Variants in LRIG2 observed in about 807,000 individuals in gnomAD.
The protein encoded by LRIG2 is leucine rich repeats and immunoglobulin like domains 2.
A neutral mutation model predicts 107.8 loss-of-function variants in LRIG2; 93 were observed. The ratio of observed to expected loss-of-function variants is 0.86; its 90% CI spans 0.73 to 1.03. The LOEUF (loss-of-function observed/expected upper bound fraction) is 1.03. Ranked by LOEUF, LRIG2 falls within the 50% of genes least tolerant of loss-of-function variation. LRIG2 has a pLI of 0.00. For synonymous variants in LRIG2, 471 were observed against 470.6 expected (o/e 1.00, Z -0.01); for missense variants, 1,226 against 1,296.0 (o/e 0.95, Z 0.83).
intron 1 of LRIG2, among the ~76,000 whole-genome samples, chr1:113,088,198 C>T (rs1470491387): frequency 1.3e-5 from 2 of 152,114 alleles, no homozygotes; most frequent in Non-Finnish European, 2.9e-5. Flanking sequence ...TTATATGGGG[C>T]TCTGACCTAT....
chr1:113,127,056 T>C lies in LRIG2; in HGVS notation c.*2955T>C, dbSNP rs902800256. On this transcript the variant is annotated 3_prime_UTR_variant, in exon 18 of 18. Coordinates refer to ENST00000361127, the MANE Select transcript of LRIG2 (RefSeq NM_014813.3). ...TTCTAGTTGTGTTCACTTTGTGCTT[T>C]CTCTGAATGGGAATATCTTCTTTCA... 1.3e-5 allele frequency: 2 copies of C among 152,224 alleles called. No individual in the cohort carries two copies. The highest frequency in any genetic ancestry group is 4.8e-5 in the African/African-American group (2 of 41,452). 9.4% of individuals were successfully genotyped at this position (152,224 alleles called of 1,614,324 possible).
At chr1:113,074,698 A>G (rs543384320) in intron 1 of LRIG2, among the ~76,000 whole-genome samples, 114 of 146,784 alleles carry the variant, frequency 7.8e-4, no homozygotes, top group Admixed American at 1.3e-3. Flanking sequence ...CACGAGGTCA[A>G]GAGATCGAGA....
At chr1:113,109,970 T>C (rs1203694511) in intron 12 of LRIG2, among the ~76,000 whole-genome samples, 1 of 152,182 alleles carries the variant, frequency 6.6e-6, no homozygotes, top group Non-Finnish European at 1.5e-5. Flanking sequence ...TAAGGGCTAG[T>C]AGAAAAGTGC....
At chr1:113,112,791 T>C (rs1257762820) in intron 14 of LRIG2, 31 bp downstream of exon 14, 2 of 1,560,370 alleles carry the variant, frequency 1.3e-6, no homozygotes, top group South Asian at 2.4e-5. Flanking sequence ...GTCCCTGCTT[T>C]TGTTGGAGTC....
At chr1:113,113,294 A>C (rs1654850579) in intron 14 of LRIG2, among the ~76,000 whole-genome samples, 1 of 149,658 alleles carries the variant, frequency 6.7e-6, no homozygotes, top group South Asian at 2.1e-4. Context: ...TATTTCTGGT[A>C]AAATGCCTTT....
intron 12 of LRIG2, 157 bp downstream of exon 12, chr1:113,107,914 C>T: frequency 4.7e-6 from 3 of 644,658 alleles, no homozygotes; most frequent in South Asian, 2.1e-5. Context: ...TGAATGAAGG[C>T]TTTTCTCTTT....
intron 16 of LRIG2, 94 bp downstream of exon 16, chr1:113,116,530 TTAAAG>T: frequency 4.1e-6 from 5 of 1,229,278 alleles, no homozygotes; most frequent in Non-Finnish European, 5.7e-6. Flanking sequence ...AAGCAATATT[TTAAAG>T]TAAGATACCT....
At chr1:113,091,194 G>A (rs1041418802) in intron 1 of LRIG2, 124 bp from the exon 2 acceptor site, 27 of 543,028 alleles carry the variant, frequency 5.0e-5, no homozygotes, top group Non-Finnish European at 9.7e-6. Flanking sequence ...CAAGTGCCAG[G>A]ATTACAGGCA....
At chr1:113,097,853 GC>G (rs1654133677) in intron 8 of LRIG2, among the ~76,000 whole-genome samples, 1 of 152,132 alleles carries the variant, frequency 6.6e-6, no homozygotes, top group East Asian at 1.9e-4. Flanking sequence ...GAAGAGTTGA[GC>G]CATTGGTTCT....
At chr1:113,094,891 T>A in intron 6 of LRIG2, 136 bp downstream of exon 6, 1 of 759,230 alleles carries the variant, frequency 1.3e-6, no homozygotes, top group Non-Finnish European at 2.0e-6. Context: ...GAAGTAAGCG[T>A]ACATAAAACC....
intron 1 of LRIG2, among the ~76,000 whole-genome samples, chr1:113,082,330 T>C (rs1653324899): frequency 6.6e-6 from 1 of 152,210 alleles, no homozygotes; most frequent in African/African-American, 2.4e-5. Context: ...TCTGATCTAA[T>C]ACAGATCTGA....
chr1:113,093,238 C>T lies in LRIG2; in HGVS notation c.338C>T (p.Pro113Leu), dbSNP rs757114182. Residue 113 changes from proline to leucine, a missense_variant, in exon 3 of 18, where the codon CCG becomes CTG. Pro to Leu is a moderately conservative substitution (Grantham distance 98). This residue lies in a region of LRIG2 where 570 missense variants were observed against 550.2 expected (regional missense o/e 1.04). Transcript: ENST00000361127. ...KMNYNELTEI[P>L]YFGEPTSNIT... is the part of the protein sequence containing the mutation. ...AATTACAATGAACTAACAGAAATCC[C>T]GTATTTTGGAGAACCTACATCTAAT... 1.3e-5 allele frequency: 21 copies of T among 1,598,514 alleles called. No homozygotes were observed. The highest frequency in any genetic ancestry group is 4.0e-5 in the African/African-American group (3 of 74,446).
Position 113,091,372 on chromosome 1 carries a change from AT to A in LRIG2, c.296del (p.Leu99TyrfsTer4). 1 of 1,593,874 alleles carries A rather than the reference AT, an allele frequency of 6.3e-7. No homozygotes were observed. Among genetic ancestry groups the A allele is most frequent in the South Asian group, 1.1e-5 (1 of 88,554 alleles). On this transcript the variant is annotated frameshift_variant, in exon 2 of 18. Coordinates refer to ENST00000361127, the MANE Select transcript of LRIG2 (RefSeq NM_014813.3). LOFTEE classifies it high-confidence loss of function. ...GGAACATCAGCTTGGAATCACAAAC[AT>A]TACAGGAAGTGTAAGTTATTTTTAT... ...NWNISLESQTLQEVKMNYNEL... is the reference protein window; with the variant it reads ...NWNISLESQTXQEVKMNYNEL...
intron 9 of LRIG2, among the ~76,000 whole-genome samples, 168 bp downstream of exon 9, chr1:113,098,953 C>T (rs1654185382): frequency 6.6e-6 from 1 of 152,088 alleles, no homozygotes; most frequent in Non-Finnish European, 1.5e-5. Context: ...TTTTTTGAGA[C>T]TGAGTCTCAC....
At chr1:113,084,357 A>G (rs1027603925) in intron 1 of LRIG2, among the ~76,000 whole-genome samples, 2 of 151,540 alleles carry the variant, frequency 1.3e-5, no homozygotes, top group African/African-American at 4.9e-5. Context: ...CTGGGACTAC[A>G]GGCACCCGCC....
chr1:113,081,529 T>G (rs1223415884), intron 1 of LRIG2, among the ~76,000 whole-genome samples: 2 of 152,150 alleles, frequency 1.3e-5, no homozygotes, highest in Non-Finnish European at 2.9e-5. Context: ...TTCACCATAT[T>G]GGCCAGGATA....
chr1:113,104,235 C>G (rs188311085), intron 11 of LRIG2, among the ~76,000 whole-genome samples: 2 of 152,252 alleles, frequency 1.3e-5, no homozygotes, highest in Admixed American at 1.3e-4. Context: ...GATATGACTC[C>G]CTTCAAATTC....
intron 13 of LRIG2, among the ~76,000 whole-genome samples, chr1:113,111,531 TGTACTC>T (rs1319712808): frequency 2.0e-5 from 3 of 152,196 alleles, no homozygotes; most frequent in Non-Finnish European, 4.4e-5. Flanking sequence ...TATGCCTTTG[TGTACTC>T]ATACTTAGCT....
intron 1 of LRIG2, among the ~76,000 whole-genome samples, chr1:113,088,681 A>C (rs534932205): frequency 3.4e-4 from 52 of 152,336 alleles, no homozygotes; most frequent in African/African-American, 1.2e-3. Flanking sequence ...CACAGATGAT[A>C]TTAGCTCTTC....
Sources: allele counts gnomAD v4.1 joint callset (sites outside exome capture counted in the v4.1 genomes callset), GRCh38; gene constraint gnomAD v4.1.1; regional missense constraint gnomAD v4.1.1; transcripts MANE v1.5; gene names NCBI Gene and HGNC (gene_info 2026-07-23, HGNC 2026-07-21).